The following KLK8 variants were observed in gnomAD, a reference collection of about 807,000 sequenced individuals.
KLK8 encodes the protein kallikrein-8.
In KLK8, 18 loss-of-function variants were observed where a neutral mutation model predicts 26.7. The ratio of observed to expected loss-of-function variants is 0.67; its 90% CI spans 0.47 to 1.00. KLK8 has a LOEUF of 1.00. KLK8 is among the 50% of genes least tolerant of loss of function. The pLI, the probability that KLK8 is intolerant of heterozygous loss-of-function variation, is 0.00. For missense variants in KLK8, 301 were observed against 331.7 expected, an observed-to-expected ratio of 0.91 and a Z score of 0.72; for synonymous variants, 137 against 127.1, an observed-to-expected ratio of 1.08 and a Z score of -0.52.
Position 50,996,220 on chromosome 19 carries a change from C to T in KLK8, c.628-6G>A. 1 of 1,613,446 alleles carries T rather than the reference C, an allele frequency of 6.2e-7. No individual in the cohort carries two copies. The highest frequency in any genetic ancestry group is 8.5e-7 in the Non-Finnish European group (1 of 1,179,530). On this transcript the variant is annotated splice_polypyrimidine_tract_variant and splice_region_variant and intron_variant, in intron 6 of 6. Coordinates refer to ENST00000600767, the Ensembl canonical transcript of KLK8. ...AGGGGGCCTCCAGAATCGCCCTAGA[C>T]AGGGAGAATGAGAACAGCCTTGCAT...
intron 6 of KLK8, among the ~76,000 whole-genome samples, chr19:50,996,466 G>A (rs1436594218): frequency 6.6e-6 from 1 of 151,824 alleles, no homozygotes; most frequent in Admixed American, 6.6e-5. Context: ...AGGCTTGGTG[G>A]CTCACACCTG....
intron 5 of KLK8, among the ~76,000 whole-genome samples, chr19:50,998,444 G>A (rs186814975): frequency 1.3e-5 from 2 of 152,262 alleles, no homozygotes; most frequent in Admixed American, 1.3e-4. Flanking sequence ...TAACGACAAG[G>A]ACTTTGTACA....
At chr19:51,001,390 A>C (rs890768623) in intron 2 of KLK8, 142 bp downstream of exon 1, 3 of 549,802 alleles carry the variant, frequency 5.5e-6, no homozygotes, top group African/African-American at 1.9e-5. Flanking sequence ...GGGAGCTGGG[A>C]CTCCTAAATT....
At chr19:50,996,145 A>T (rs1223265879) in exon 7 of KLK8, 14 of 1,614,224 alleles carry the variant, frequency 8.7e-6, no homozygotes, top group Non-Finnish European at 1.2e-5. Flanking sequence ...GACCTCCCAC[A>T]GGGGTCTGAG....
intron 6 of KLK8, among the ~76,000 whole-genome samples, chr19:50,997,332 CCGG>C (rs2091179394): frequency 6.6e-6 from 1 of 152,042 alleles, no homozygotes; most frequent in Non-Finnish European, 1.5e-5. Context: ...GGATTCTAGC[CCGG>C]TCTCAAAGAA....
chr19:50,997,971 A>T, intron 5 of KLK8, 87 bp from the exon 5 acceptor site: 1 of 1,545,772 alleles, frequency 6.5e-7, no homozygotes, highest in Non-Finnish European at 8.8e-7. Flanking sequence ...TCTTTCCAGG[A>T]TGTAATGGGG....
exon 7 of KLK8, chr19:50,996,025 G>C: frequency 6.2e-7 from 1 of 1,608,916 alleles, no homozygotes; most frequent in Non-Finnish European, 8.5e-7. Flanking sequence ...AGAGTTGTGA[G>C]TTTATTAAGG....
intron 4 of KLK8, 26 bp from the exon 4 acceptor site, chr19:51,000,284 C>A (rs1201278286): frequency 6.4e-7 from 1 of 1,557,132 alleles, no homozygotes; most frequent in Non-Finnish European, 8.7e-7. Context: ...TAGTTTGGGA[C>A]CCAGGCAGGG....
chr19:50,999,938 G>A (rs891636053), intron 5 of KLK8, 58 bp downstream of exon 4: 139 of 1,518,240 alleles, frequency 9.2e-5, no homozygotes, highest in Non-Finnish European at 1.2e-4. Context: ...CAATAGCTTG[G>A]GTTCCACTGG....
rs117575356 is a variant in KLK8 at position 50,996,025 on chromosome 19, G to A, written c.*34C>T. The A allele has an allele frequency of 9.3e-6, 15 of 1,608,916 alleles. No individual in the cohort carries two copies. The East Asian group carries it at 3.4e-4, about 36-fold the overall frequency. On this transcript the variant is annotated 3_prime_UTR_variant, in exon 7 of 7. Transcript: ENST00000600767. Reference sequence around the variant, plus strand: ...CAGGCAAGGAACCAGAGAGTTGTGAGTTTATTAAGGGAGATCTAGTGCTTA... The same window carrying A: ...CAGGCAAGGAACCAGAGAGTTGTGAATTTATTAAGGGAGATCTAGTGCTTA...
chr19:51,000,689 A>G (rs369823258), intron 3 of KLK8, 106 bp from the exon 3 acceptor site: 4 of 1,557,936 alleles, frequency 2.6e-6, no homozygotes, highest in Non-Finnish European at 3.5e-6. Flanking sequence ...TCCGCATACA[A>G]CTTAGTGAGG....
chr19:51,001,517 A>C lies in KLK8; in HGVS notation c.-9+15T>G. On this transcript the variant is annotated intron_variant, in intron 2 of 6. Transcript: ENST00000600767. ...CGGGGCCTGATGTCTGTATCTGAGT[A>C]CCTCTGCACCTCACCTTCCAGAATC... is the stretch of plus-strand genomic sequence containing the variant. The C allele has an allele frequency of 4.2e-6, 1 of 238,068 alleles. No homozygotes were observed. Among genetic ancestry groups the C allele is most frequent in the Non-Finnish European group, 8.2e-6 (1 of 121,914 alleles). 14.7% of individuals were successfully genotyped at this position (238,068 alleles called of 1,614,324 possible). A position where few individuals can be genotyped will look rare whatever the true frequency, so the allele number is the denominator to read the frequency against.
chr19:50,997,734 T>G lies in KLK8; in HGVS notation c.627+17A>C. 1 of 1,613,416 alleles carries G rather than the reference T, an allele frequency of 6.2e-7. No homozygotes were observed. Among genetic ancestry groups the G allele is most frequent in the Non-Finnish European group, 8.5e-7 (1 of 1,179,886 alleles). On this transcript the variant is annotated intron_variant, in intron 6 of 6. Transcript: ENST00000600767. ...AATGAGGGATGTGTGAGGAGAAGGA[T>G]TTCAGAAATTGCTCACCTGGCACGT...
At chr19:50,996,314 C>T in intron 6 of KLK8, 100 bp from the exon 6 acceptor site, 1 of 1,326,372 alleles carries the variant, frequency 7.5e-7, no homozygotes, top group South Asian at 1.3e-5. Context: ...ATGATTGGTC[C>T]CCTGTAGCCA....
At chr19:50,997,971 A>G in intron 5 of KLK8, 87 bp from the exon 5 acceptor site, 3 of 1,545,772 alleles carry the variant, frequency 1.9e-6, no homozygotes, top group South Asian at 2.3e-5. Flanking sequence ...TCTTTCCAGG[A>G]TGTAATGGGG....
At chr19:51,001,275 C>T (rs2091223097) in intron 2 of KLK8, 100 bp from the exon 2 acceptor site, 5 of 943,288 alleles carry the variant, frequency 5.3e-6, no homozygotes, top group East Asian at 5.2e-5. Context: ...GTATCTGGGG[C>T]TGTTCTGGGC....
At chr19:50,999,940 T>C in intron 5 of KLK8, 56 bp downstream of exon 4, 1 of 1,523,876 alleles carries the variant, frequency 6.6e-7, no homozygotes, top group Non-Finnish European at 8.9e-7. Flanking sequence ...ATAGCTTGGG[T>C]TCCACTGGGC....
At chr19:50,997,534 G>C (rs989995822) in intron 6 of KLK8, among the ~76,000 whole-genome samples, 3 of 152,170 alleles carry the variant, frequency 2.0e-5, no homozygotes, top group Admixed American at 1.3e-4. Flanking sequence ...GAAAACAGCA[G>C]CAGCAATTCA....
exon 5 of KLK8, chr19:51,000,236 C>T: frequency 6.3e-7 from 1 of 1,594,250 alleles, no homozygotes; most frequent in Non-Finnish European, 8.6e-7. Flanking sequence ...AGGCTGTGGT[C>T]TCCCAGGCGT....
Sources: allele counts gnomAD v4.1 joint callset (sites outside exome capture counted in the v4.1 genomes callset), GRCh38; gene constraint gnomAD v4.1.1; transcripts MANE v1.5; gene names NCBI Gene and HGNC (gene_info 2026-07-23, HGNC 2026-07-21).